KCNAB1: variants seen among roughly 807,000 people sequenced by gnomAD.
KCNAB1 encodes potassium voltage-gated channel subfamily A regulatory beta subunit 1, also known as voltage-gated potassium channel subunit beta-1.
In KCNAB1, 35 loss-of-function variants were observed where a neutral mutation model predicts 64.6. The ratio of observed to expected loss-of-function variants is 0.54; its 90% CI spans 0.41 to 0.72. KCNAB1 has a LOEUF of 0.72. Ranked by LOEUF, KCNAB1 falls within the 30% of genes least tolerant of loss-of-function variation. KCNAB1 has a pLI of 0.00. For synonymous variants in KCNAB1, 177 were observed against 183.8 expected (o/e 0.96, Z 0.30); for missense variants, 401 against 512.9 (o/e 0.78, Z 2.11).
upstream of KCNAB1, chr3:156,120,402 C>T: frequency 1.6e-6 from 1 of 618,814 alleles, no homozygotes; most frequent in South Asian, 2.0e-5. Flanking sequence ...GAAGATACCA[C>T]AGGTATTGGC....
chr3:156,490,621 G>A (rs1409790262), intron 8 of KCNAB1, among the ~76,000 whole-genome samples: 6 of 152,074 alleles, frequency 3.9e-5, no homozygotes, highest in Non-Finnish European at 8.8e-5. Context: ...TAGAATGCTG[G>A]ACATTAAAGT....
At chr3:156,256,412 A>G (rs371647389) in intron 1 of KCNAB1, among the ~76,000 whole-genome samples, 2 of 152,218 alleles carry the variant, frequency 1.3e-5, no homozygotes, top group South Asian at 2.1e-4. Context: ...TTTATGGCTG[A>G]TGCCACTTTA....
intron 1 of KCNAB1, among the ~76,000 whole-genome samples, chr3:156,195,860 C>T (rs572333078): frequency 1.3e-5 from 2 of 152,256 alleles, no homozygotes; most frequent in East Asian, 1.9e-4. Context: ...AAAGTCTTTG[C>T]CCATGGTTAT....
chr3:156,379,081 G>C (rs1410586829), intron 1 of KCNAB1, among the ~76,000 whole-genome samples: 1 of 152,222 alleles, frequency 6.6e-6, no homozygotes, highest in Non-Finnish European at 1.5e-5. Flanking sequence ...GGGATTTGCT[G>C]ATTCATCTGT....
intron 1 of KCNAB1, among the ~76,000 whole-genome samples, chr3:156,387,014 C>CTTTTTTTTT (rs1194708289): frequency 5.5e-5 from 5 of 90,528 alleles, no homozygotes; most frequent in African/African-American, 2.2e-4. Context: ...TTCTCTCTCT[C>CTTTTTTTTT]TTTTTTTTTT....
chr3:156,387,304 G>A (rs558742806), intron 1 of KCNAB1, among the ~76,000 whole-genome samples: 19 of 152,210 alleles, frequency 1.2e-4, no homozygotes, highest in African/African-American at 4.1e-4. Context: ...CTAACCTTAG[G>A]GAATGAGTAC....
rs967826830 is a variant in KCNAB1, at chr3:156,490,511, T to C, written c.658+15691T>C. The stretch of plus-strand genomic sequence containing the variant: ...TGGTGATATAAGAGAAGGTACTACA[T>C]CAATAGAACAGAAACGAGATGGAAA... On this transcript the variant is annotated intron_variant, in intron 8 of 13. Transcript: ENST00000490337. Among the ~76,000 whole-genome samples the C allele has an allele frequency of 2.6e-5, 4 of 151,896 alleles. No homozygotes were observed. The East Asian group carries it at 7.7e-4, about 29-fold the overall frequency.
intron 8 of KCNAB1, among the ~76,000 whole-genome samples, chr3:156,486,509 C>T (rs1056281576): frequency 8.5e-5 from 13 of 152,206 alleles, no homozygotes; most frequent in Admixed American, 7.8e-4. Flanking sequence ...AAACATTACC[C>T]CCATGACTGG....
intron 1 of KCNAB1, among the ~76,000 whole-genome samples, chr3:156,395,706 T>C (rs1249444591): frequency 6.6e-6 from 1 of 152,154 alleles, no homozygotes; most frequent in African/African-American, 2.4e-5. Context: ...CAATGGATTC[T>C]GGATTTATAG....
chr3:156,206,765 C>CT (rs1714691164), intron 1 of KCNAB1, among the ~76,000 whole-genome samples: 1 of 152,122 alleles, frequency 6.6e-6, no homozygotes, highest in Admixed American at 6.6e-5. Context: ...GTAGTTTTTC[C>CT]TAAGTATTTT....
At chr3:156,140,124 A>C (rs1037577184) in intron 1 of KCNAB1, among the ~76,000 whole-genome samples, 2 of 152,220 alleles carry the variant, frequency 1.3e-5, no homozygotes, top group African/African-American at 4.8e-5. Flanking sequence ...ATCTTTGTCA[A>C]TAAAAGATAA....
chr3:156,248,467 A>C (rs1717597732), intron 1 of KCNAB1, among the ~76,000 whole-genome samples: 1 of 102,442 alleles, frequency 9.8e-6, no homozygotes, highest in Admixed American at 1.3e-4. Flanking sequence ...GCCTGTAATG[A>C]GATTTTTTTT....
chr3:156,156,489 A>C (rs1715734238), intron 1 of KCNAB1, among the ~76,000 whole-genome samples: 1 of 152,246 alleles, frequency 6.6e-6, no homozygotes, highest in African/African-American at 2.4e-5. Context: ...AGGAGGTAAC[A>C]GCAGCTTAAA....
chr3:156,246,621 TA>T (rs893243182), intron 1 of KCNAB1, among the ~76,000 whole-genome samples: 111 of 71,390 alleles, frequency 1.6e-3, no homozygotes, highest in African/African-American at 5.7e-3. Flanking sequence ...AAAAAGTTAA[TA>T]AAAAAAAGCA....
In KCNAB1 at chr3:156,383,513, A is replaced by G. The variant is rs1712337529; in HGVS notation, c.276-38103A>G. ...CCAGAATTATCCCAGTTTTGCACTG[A>G]AAGTCTGGCATCCTAGGAATTCCTC... On this transcript the variant is annotated intron_variant, in intron 1 of 13. Transcript: ENST00000490337. Among the ~76,000 whole-genome samples, 2 of 152,156 alleles carry G rather than the reference A, an allele frequency of 1.3e-5. 1 individual carries two copies. Among genetic ancestry groups the G allele is most frequent in the South Asian group, 4.1e-4 (2 of 4,820 alleles).
intron 1 of KCNAB1, among the ~76,000 whole-genome samples, chr3:156,197,817 T>G (rs1038361654): frequency 1.3e-5 from 2 of 152,196 alleles, no homozygotes; most frequent in African/African-American, 2.4e-5. Context: ...ACCTTAGTTA[T>G]TTCTTGTCTT....
At chr3:156,379,962 C>T (rs1712027784) in intron 1 of KCNAB1, among the ~76,000 whole-genome samples, 1 of 152,134 alleles carries the variant, frequency 6.6e-6, no homozygotes, top group Admixed American at 6.5e-5. Flanking sequence ...AGAGTCAGGA[C>T]TAGTGCTAAG....
At position 156,220,590 on chromosome 3, in the gene KCNAB1, A is replaced by G. The variant is rs558104035; in HGVS notation, c.275+99704A>G. Among the ~76,000 whole-genome samples, 276 of 151,544 alleles carry G rather than the reference A, an allele frequency of 1.8e-3. 2 individuals carry two copies. The highest frequency in any genetic ancestry group is 0.01 in the Middle Eastern group (3 of 292). On this transcript the variant is annotated intron_variant, in intron 1 of 13. Coordinates refer to ENST00000490337, the MANE Select transcript of KCNAB1 (RefSeq NM_172160.3). ...TTGATTTTTTCTTGTAAATTTGTTT[A>G]AGTTCTTTGTAGATTCTGGATATTA... is the stretch of plus-strand genomic sequence containing the variant.
At chr3:156,495,220 G>A (rs1237003022) in intron 8 of KCNAB1, among the ~76,000 whole-genome samples, 2 of 152,074 alleles carry the variant, frequency 1.3e-5, no homozygotes, top group Non-Finnish European at 2.9e-5. Context: ...TTTTGTGGCT[G>A]TATAGTATTC....
Sources: allele counts gnomAD v4.1 joint callset (sites outside exome capture counted in the v4.1 genomes callset), GRCh38; gene constraint gnomAD v4.1.1; transcripts MANE v1.5; gene names NCBI Gene and HGNC (gene_info 2026-07-23, HGNC 2026-07-21).